SUV39H2: variants seen among roughly 807,000 people sequenced by gnomAD.
SUV39H2 encodes the protein histone-lysine N-methyltransferase SUV39H2.
In SUV39H2, 10 loss-of-function variants were observed where a neutral mutation model predicts 47.5. The ratio of observed to expected loss-of-function variants is 0.21; its 90% confidence interval spans 0.13 to 0.36. The LOEUF (loss-of-function observed/expected upper bound fraction) is 0.36, where lower values mean the gene tolerates loss of function less well. Ranked by LOEUF, SUV39H2 falls within the 10% of genes least tolerant of loss-of-function variation. The pLI is 1.00. For synonymous variants in SUV39H2, 159 were observed against 166.8 expected (o/e 0.95, Z 0.36); for missense variants, 266 against 487.4 (o/e 0.55, Z 4.28).
At chr10:14,894,919 TAAA>T (rs1823210490) in intron 2 of SUV39H2, among the ~76,000 whole-genome samples, 1 of 152,176 alleles carries the variant, frequency 6.6e-6, no homozygotes, top group Admixed American at 6.5e-5. Flanking sequence ...TACTTTGTAA[TAAA>T]AACTTTCTTA....
intron 2 of SUV39H2, among the ~76,000 whole-genome samples, chr10:14,882,480 G>C (rs573263234): frequency 4.6e-5 from 7 of 152,148 alleles, no homozygotes; most frequent in East Asian, 3.9e-4. Flanking sequence ...AGCATCCTTC[G>C]GCCCCTGAAA....
intron 1 of SUV39H2, among the ~76,000 whole-genome samples, chr10:14,880,706 A>T (rs72772434): frequency 0.043 from 6,619 of 152,312 alleles, 199 homozygotes; most frequent in Non-Finnish European, 0.068. Context: ...TCTGGAACGC[A>T]ATTAGTTTCT....
At chr10:14,890,717 G>A (rs1833360640) in intron 2 of SUV39H2, among the ~76,000 whole-genome samples, 1 of 152,136 alleles carries the variant, frequency 6.6e-6, no homozygotes, top group African/African-American at 2.4e-5. Context: ...TTTCAAAATT[G>A]GCAGAAAAAA....
At chr10:14,881,300 A>G (rs901306530) in intron 1 of SUV39H2, among the ~76,000 whole-genome samples, 200 bp from the exon 2 acceptor site, 1 of 152,234 alleles carries the variant, frequency 6.6e-6, no homozygotes, top group Non-Finnish European at 1.5e-5. Flanking sequence ...ATCCATGAGA[A>G]AATCCAAGAA....
At chr10:14,896,595 A>G (rs1387366680) in intron 2 of SUV39H2, among the ~76,000 whole-genome samples, 2 of 152,194 alleles carry the variant, frequency 1.3e-5, no homozygotes, top group African/African-American at 4.8e-5. Flanking sequence ...GTCTTTTTCC[A>G]GGTAAAACTC....
intron 4 of SUV39H2, 72 bp downstream of exon 4, chr10:14,899,757 T>A (rs1009576660): frequency 2.0e-6 from 3 of 1,523,956 alleles, no homozygotes. Context: ...AGCTAAAGAA[T>A]AATTCCCTTT....
Position 14,897,500 on chromosome 10 carries a change from A to C in SUV39H2, c.832A>C (p.Met278Leu). 1 of 1,564,492 alleles carries C rather than the reference A, an allele frequency of 6.4e-7. No homozygotes were observed. Among genetic ancestry groups the C allele is most frequent in the Non-Finnish European group, 8.7e-7 (1 of 1,151,908 alleles). ...LVKIKRMSFV[M>L]EYVGEVITSE... ...GAAGATTAAAAGAATGAGTTTTGTCATGGAATATGTTGGAGAGGTATGTTT... is the reference window on the plus strand; with the variant it reads ...GAAGATTAAAAGAATGAGTTTTGTCCTGGAATATGTTGGAGAGGTATGTTT... The change falls in exon 3 of 6, where the codon ATG becomes CTG. Residue 278 changes from methionine to leucine, a missense_variant. Transcript: ENST00000354919.
chr10:14,888,628 C>T (rs992031565), intron 2 of SUV39H2, among the ~76,000 whole-genome samples: 3 of 148,960 alleles, frequency 2.0e-5, no homozygotes, highest in Non-Finnish European at 4.4e-5. Flanking sequence ...GAGCGAGACT[C>T]GGTCTCAAAA....
chr10:14,895,098 GA>G (rs1000615671), intron 2 of SUV39H2, among the ~76,000 whole-genome samples: 49 of 146,502 alleles, frequency 3.3e-4, no homozygotes, highest in East Asian at 1.6e-3. Flanking sequence ...TATTCCAGAA[GA>G]AAAAAAAAAT....
Position 14,881,529 on chromosome 10 carries a change from G to C in SUV39H2, c.61G>C (p.Asp21His), listed in dbSNP as rs781513024. ...GTGTGTGCCTTGCCTAGTTTCACTT[G>C]ATACTCTTCAGGAATTATGTAGAAA... is the stretch of plus-strand genomic sequence containing the variant. Reference protein sequence around the residue: ...AWCVPCLVSLDTLQELCRKEK... With the variant: ...AWCVPCLVSLHTLQELCRKEK... Residue 21 changes from aspartate (D) to histidine (H), a missense_variant, in exon 2 of 6, where the codon GAT becomes CAT. Around this residue, in one of 4 missense-constraint regions of SUV39H2, gnomAD observed 31 missense variants for 27.5 expected, o/e 1.13. Coordinates refer to ENST00000354919, the MANE Select transcript of SUV39H2 (RefSeq NM_001193424.2). The C allele has an allele frequency of 3.9e-5, 62 of 1,591,754 alleles. No individual in the cohort carries two copies. The Admixed American group carries it at 4.7e-4, about 12-fold the overall frequency.
At chr10:14,887,008 C>T (rs1246301418) in intron 2 of SUV39H2, among the ~76,000 whole-genome samples, 1 of 152,112 alleles carries the variant, frequency 6.6e-6, no homozygotes, top group Non-Finnish European at 1.5e-5. Context: ...GATTTTTCAG[C>T]CATCCTAAGG....
At chr10:14,893,089 G>A (rs1242941563) in intron 2 of SUV39H2, among the ~76,000 whole-genome samples, 5 of 142,558 alleles carry the variant, frequency 3.5e-5, no homozygotes, top group South Asian at 2.3e-4. Context: ...TGCAGGCTCC[G>A]CCCCCTGGGG....
rs1833641428 is a variant in SUV39H2 at position 14,896,849 on chromosome 10, A to G, written c.181A>G (p.Met61Val). ...TTATTTTCTTTTGTATTTTAAGGAT[A>G]TGGAATATTATCTTGTAAAATGGAA... The part of the protein sequence containing the change: ...YLCDYKVVKD[M>V]EYYLVKWKGW... Residue 61 changes from methionine (M) to valine (V), a missense_variant, in exon 3 of 6, where the codon ATG becomes GTG. Transcript: ENST00000354919. 2 of 1,559,476 alleles carry G rather than the reference A, an allele frequency of 1.3e-6. No homozygotes were observed. The highest frequency in any genetic ancestry group is 1.2e-5 in the South Asian group (1 of 83,248).
intron 2 of SUV39H2, among the ~76,000 whole-genome samples, chr10:14,894,357 T>TG (rs1167875713): frequency 6.9e-5 from 4 of 57,846 alleles, no homozygotes; most frequent in South Asian, 7.2e-4. Context: ...AAAGCAAAGT[T>TG]TTTTTTTTTT....
In SUV39H2 at chr10:14,899,568, A is replaced by G. The variant is rs768113481; in HGVS notation, c.879A>G (p.Arg293=). The change falls in exon 4 of 6, where the codon CGA becomes CGG. Residue 293 remains arginine, a synonymous_variant. Coordinates refer to ENST00000354919, the MANE Select transcript of SUV39H2 (RefSeq NM_001193424.2). ...TCACAAGTGAAGAAGCTGAAAGACG[A>G]GGACAGTTCTATGACAACAAGGGAA... ...EVITSEEAER[R]GQFYDNKGIT... The G allele has an allele frequency of 2.5e-6, 4 of 1,614,040 alleles. No individual in the cohort carries two copies. Among genetic ancestry groups the G allele is most frequent in the South Asian group, 1.1e-5 (1 of 91,076 alleles).
chr10:14,899,797 A>C, intron 4 of SUV39H2, 112 bp downstream of exon 4: 1 of 1,305,560 alleles, frequency 7.7e-7, no homozygotes, highest in South Asian at 1.5e-5. Flanking sequence ...CATTTCCAAA[A>C]TATGTATTTT....
intron 1 of SUV39H2, among the ~76,000 whole-genome samples, chr10:14,881,027 T>TA (rs554442909): frequency 1.5e-3 from 235 of 152,126 alleles, no homozygotes; most frequent in African/African-American, 4.9e-3. Flanking sequence ...TTTGTCCAGT[T>TA]AAAAAAAATG....
intron 2 of SUV39H2, among the ~76,000 whole-genome samples, chr10:14,882,139 G>A (rs955461475): frequency 4.6e-5 from 7 of 152,124 alleles, no homozygotes; most frequent in African/African-American, 1.7e-4. Flanking sequence ...TAGTACCTTA[G>A]GACTTAAGCA....
chr10:14,888,699 A>G (rs1010039716), intron 2 of SUV39H2, among the ~76,000 whole-genome samples: 3 of 152,128 alleles, frequency 2.0e-5, no homozygotes, highest in African/African-American at 7.2e-5. Flanking sequence ...TGATGTCAGC[A>G]GGAGAGTATT....
Sources: gnomAD v4.1 joint callset for allele counts (sites outside exome capture counted in the v4.1 genomes callset) on GRCh38, gnomAD v4.1.1 for gene constraint, gnomAD v4.1.1 regional missense constraint, MANE v1.5 for transcripts, NCBI Gene and HGNC (gene_info 2026-07-23, HGNC 2026-07-21) for gene names.